The following JAKMIP2 variants were observed in gnomAD, a reference collection of about 807,000 sequenced individuals.
JAKMIP2 encodes janus kinase and microtubule interacting protein 2, also known as janus kinase and microtubule-interacting protein 2.
A neutral mutation model predicts 115.0 loss-of-function variants in JAKMIP2; 25 were observed. The observed-to-expected ratio is 0.22, with a 90% CI of 0.16 to 0.30. The LOEUF is 0.30. Ranked by LOEUF, JAKMIP2 falls within the 10% of genes least tolerant of loss-of-function variation. JAKMIP2 has a pLI of 1.00. For missense variants in JAKMIP2, 642 were observed against 957.6 expected, an observed-to-expected ratio of 0.67 and a Z score of 4.35; for synonymous variants, 334 against 343.6, an observed-to-expected ratio of 0.97 and a Z score of 0.31.
intron 9 of JAKMIP2, 97 bp downstream of exon 9, chr5:147,640,607 A>T: frequency 2.3e-6 from 3 of 1,297,950 alleles, no homozygotes; most frequent in Non-Finnish European, 3.3e-6. Context: ...TGTGCTGTTT[A>T]TATAAAGGAG....
chr5:147,628,466 G>T (rs1757208581), intron 16 of JAKMIP2, among the ~76,000 whole-genome samples: 2 of 151,910 alleles, frequency 1.3e-5, no homozygotes, highest in Admixed American at 6.6e-5. Context: ...AGCTTGGTAG[G>T]GATTGTGTAA....
rs117859574 is a variant in JAKMIP2 at position 147,780,646 on chromosome 5, T to C, written c.-149+1810A>G. On this transcript the variant is annotated intron_variant, in intron 1 of 21. Transcript: ENST00000616793. ...TTTACAAAGCTATGGATCTATAATA[T>C]ATAACATGCTATGAGCACATGCACA... 3.2e-4 allele frequency among the ~76,000 whole-genome samples: 48 copies of C among 152,272 alleles called. No individual in the cohort carries two copies. In the East Asian group the frequency reaches 8.1e-3, roughly 26 times the overall value.
chr5:147,739,834 A>C (rs1158087195), intron 1 of JAKMIP2, among the ~76,000 whole-genome samples: 6 of 152,062 alleles, frequency 3.9e-5, no homozygotes, highest in Non-Finnish European at 8.8e-5. Flanking sequence ...TTCTGAAGTT[A>C]GACTGTCTGT....
chr5:147,698,946 G>A (rs1752216228), intron 1 of JAKMIP2, among the ~76,000 whole-genome samples: 1 of 152,132 alleles, frequency 6.6e-6, no homozygotes, highest in Non-Finnish European at 1.5e-5. Context: ...GCTCTGAAAG[G>A]CTCTTCACAG....
intron 20 of JAKMIP2, among the ~76,000 whole-genome samples, chr5:147,603,515 G>T (rs1399138419): frequency 1.3e-5 from 2 of 152,180 alleles, no homozygotes; most frequent in African/African-American, 2.4e-5. Context: ...GAAGAATGAA[G>T]AGTATCTCTG....
At chr5:147,718,279 G>A (rs949200302) in intron 1 of JAKMIP2, among the ~76,000 whole-genome samples, 5 of 150,228 alleles carry the variant, frequency 3.3e-5, no homozygotes, top group African/African-American at 1.2e-4. Flanking sequence ...TTGCATCAAT[G>A]TTCATCAAGG....
Position 147,661,459 on chromosome 5 carries a change from G to A in JAKMIP2, c.130-14C>T. ...AAGCTTTGATACCTAAAAACAGAGA[G>A]GCGAAATGATGAAGAGAAATGAGCC... On this transcript the variant is annotated splice_polypyrimidine_tract_variant and intron_variant, in intron 2 of 21. Transcript: ENST00000616793. 1 of 1,600,374 alleles carries A rather than the reference G, an allele frequency of 6.2e-7. No individual in the cohort carries two copies. Among genetic ancestry groups the A allele is most frequent in the Non-Finnish European group, 8.5e-7 (1 of 1,173,602 alleles).
At chr5:147,718,460 G>C (rs1165889538) in intron 1 of JAKMIP2, among the ~76,000 whole-genome samples, 1 of 152,226 alleles carries the variant, frequency 6.6e-6, no homozygotes, top group Non-Finnish European at 1.5e-5. Context: ...GAATTCAGCT[G>C]TGAATCCATC....
chr5:147,692,237 A>G (rs1425752281), intron 1 of JAKMIP2, among the ~76,000 whole-genome samples: 1 of 152,242 alleles, frequency 6.6e-6, no homozygotes, highest in Non-Finnish European at 1.5e-5. Flanking sequence ...CATTGTGTCT[A>G]CAAATCAAAA....
In JAKMIP2 at chr5:147,588,470, A is replaced by G. The variant is rs1395307371; in HGVS notation, c.*3237T>C. 6.6e-6 allele frequency: 1 copy of G among 151,102 alleles called. No homozygotes were observed. The highest frequency in any genetic ancestry group is 2.0e-4 in the East Asian group (1 of 5,068). 9.4% of individuals were successfully genotyped at this position (151,102 alleles called of 1,614,324 possible). On this transcript the variant is annotated 3_prime_UTR_variant, in exon 22 of 22. Transcript: ENST00000616793. ...ATCCAAGGGAAGCATTCATTTAAACACGGTCCATTTCCATGGATCCATGAG... is the reference window on the plus strand; with the variant it reads ...ATCCAAGGGAAGCATTCATTTAAACGCGGTCCATTTCCATGGATCCATGAG...
chr5:147,669,382 T>A lies in JAKMIP2; in HGVS notation c.129+2296A>T, dbSNP rs377249997. Among the ~76,000 whole-genome samples the A allele has an allele frequency of 2.6e-5, 4 of 152,192 alleles. No individual in the cohort carries two copies. The South Asian group carries it at 6.2e-4, about 24-fold the overall frequency. On this transcript the variant is annotated intron_variant, in intron 2 of 21. Coordinates refer to ENST00000616793, the MANE Select transcript of JAKMIP2 (RefSeq NM_001270941.2). Reference sequence around the variant, plus strand: ...TCTCATTTAAGAGGCTGGCTGCCAGTCAATTGTTAGAGGAAGGGGAGATTA... The same window carrying A: ...TCTCATTTAAGAGGCTGGCTGCCAGACAATTGTTAGAGGAAGGGGAGATTA...
At chr5:147,661,569 G>C (rs1758978255) in intron 2 of JAKMIP2, 124 bp from the exon 3 acceptor site, 1 of 1,015,870 alleles carries the variant, frequency 9.8e-7, no homozygotes, top group Non-Finnish European at 1.4e-6. Context: ...CCAATTCCAG[G>C]CCCTCTGAGA....
At chr5:147,598,732 C>A (rs115595302) in intron 21 of JAKMIP2, among the ~76,000 whole-genome samples, 2,182 of 152,084 alleles carry the variant, frequency 0.014, 45 homozygotes, top group African/African-American at 0.048. Flanking sequence ...ATGACTTAGG[C>A]AATTACTAAA....
chr5:147,648,647 A>G lies in JAKMIP2; in HGVS notation c.838-173T>C, dbSNP rs186826601. Among the ~76,000 whole-genome samples, 209 of 152,290 alleles carry G rather than the reference A, an allele frequency of 1.4e-3. 2 individuals are homozygous for G. Among genetic ancestry groups the G allele is most frequent in the African/African-American group, 4.8e-3 (201 of 41,570 alleles). ...AATATTTACCCTTTTATAACTCTCAATATTCACCACTTGGGTTGAAGACCA... is the reference window on the plus strand; with the variant it reads ...AATATTTACCCTTTTATAACTCTCAGTATTCACCACTTGGGTTGAAGACCA... On this transcript the variant is annotated intron_variant, in intron 4 of 21. Transcript: ENST00000616793.
intron 1 of JAKMIP2, among the ~76,000 whole-genome samples, chr5:147,716,629 T>C (rs1235849835): frequency 6.6e-6 from 1 of 151,598 alleles, no homozygotes; most frequent in Non-Finnish European, 1.5e-5. Flanking sequence ...GTTTTTTGGC[T>C]GCATAAATGT....
At chr5:147,748,519 A>G (rs1754435694) in intron 1 of JAKMIP2, among the ~76,000 whole-genome samples, 1 of 152,210 alleles carries the variant, frequency 6.6e-6, no homozygotes. Context: ...TGAAAAATTG[A>G]GCTGCAGACA....
At chr5:147,645,087 A>ACAAGGCTGTCTC in intron 5 of JAKMIP2, 91 bp from the exon 6 acceptor site, 1 of 1,219,340 alleles carries the variant, frequency 8.2e-7, no homozygotes, top group Non-Finnish European at 1.2e-6. Context: ...ACCTCTGGAG[A>ACAAGGCTGTCTC]CAGCCTTGTC....
rs986048484 is a variant in JAKMIP2 at position 147,667,166 on chromosome 5, A to G, written c.129+4512T>C. Among the ~76,000 whole-genome samples, 9 of 152,094 alleles carry G rather than the reference A, an allele frequency of 5.9e-5. No individual in the cohort carries two copies. In the South Asian group the frequency reaches 1.9e-3, roughly 32 times the overall value. On this transcript the variant is annotated intron_variant, in intron 2 of 21. Coordinates refer to ENST00000616793, the MANE Select transcript of JAKMIP2 (RefSeq NM_001270941.2). ...ACTTGGGGTGCGTATGGGCCTAAAG[A>G]GTGGTGCGGGGTGGGGCAGGGTGAA...
chr5:147,628,446 G>A (rs1757207805), intron 16 of JAKMIP2, among the ~76,000 whole-genome samples: 1 of 152,096 alleles, frequency 6.6e-6, no homozygotes, highest in African/African-American at 2.4e-5. Flanking sequence ...ATTCTTCTTT[G>A]TGGTTTCCCA....
Sources: gnomAD v4.1 joint callset for allele counts (sites outside exome capture counted in the v4.1 genomes callset) on GRCh38, gnomAD v4.1.1 for gene constraint, MANE v1.5 for transcripts, NCBI Gene and HGNC (gene_info 2026-07-23, HGNC 2026-07-21) for gene names.